KCNQ5: variants seen among roughly 807,000 people sequenced by gnomAD.
The protein encoded by KCNQ5 is potassium voltage-gated channel subfamily KQT member 5.
A neutral mutation model predicts 98.2 loss-of-function variants in KCNQ5; 30 were observed. The ratio of observed to expected loss-of-function variants is 0.31; its 90% CI spans 0.23 to 0.41. The LOEUF is 0.41. Among genes scored for constraint, KCNQ5 ranks in the 10% least tolerant of loss-of-function variants. The pLI is 1.00. For missense variants in KCNQ5, 835 were observed against 1,182.5 expected, an observed-to-expected ratio of 0.71 and a Z score of 4.31; for synonymous variants, 458 against 449.4, an observed-to-expected ratio of 1.02 and a Z score of -0.24.
chr6:72,951,112 A>T (rs2150253533), intron 1 of KCNQ5, among the ~76,000 whole-genome samples: 1 of 152,324 alleles, frequency 6.6e-6, no homozygotes, highest in African/African-American at 2.4e-5. Flanking sequence ...ATGCAAAGGA[A>T]GTATTTGAAC....
At chr6:73,179,807 C>T (rs1269310663) in intron 11 of KCNQ5, among the ~76,000 whole-genome samples, 1 of 152,220 alleles carries the variant, frequency 6.6e-6, no homozygotes, top group African/African-American at 2.4e-5. Context: ...CACCCCTCTT[C>T]TGCATTCCCA....
chr6:72,853,358 G>A (rs1050175282), intron 1 of KCNQ5, among the ~76,000 whole-genome samples: 3 of 151,944 alleles, frequency 2.0e-5, no homozygotes, highest in South Asian at 2.1e-4. Flanking sequence ...GGGAGGCTGC[G>A]GGGGAGACAG....
chr6:73,055,252 C>T, intron 3 of KCNQ5: 1 of 1,292,910 alleles, frequency 7.7e-7, no homozygotes, highest in Non-Finnish European at 1.1e-6. Flanking sequence ...TTGACATCTG[C>T]TTCACCTCAT....
intron 2 of KCNQ5, among the ~76,000 whole-genome samples, chr6:73,012,500 G>A (rs983680847): frequency 6.6e-6 from 1 of 152,088 alleles, no homozygotes; most frequent in African/African-American, 2.4e-5. Context: ...TTTAATAGAT[G>A]AAGAGTTTCA....
intron 1 of KCNQ5, among the ~76,000 whole-genome samples, chr6:72,673,626 G>A (rs1767253032): frequency 6.6e-6 from 1 of 152,014 alleles, no homozygotes; most frequent in African/African-American, 2.4e-5. Flanking sequence ...AGGAGGCGAA[G>A]AGGTAAGGCA....
chr6:72,632,905 G>A (rs2098921840), intron 1 of KCNQ5, among the ~76,000 whole-genome samples: 1 of 151,990 alleles, frequency 6.6e-6, no homozygotes, highest in South Asian at 2.1e-4. Context: ...GAGTGTGTGT[G>A]TCTTTTTGGT....
chr6:72,622,219 G>GGGC lies in KCNQ5; in HGVS notation c.35_37dup (p.Gly12dup). On this transcript the variant is annotated inframe_insertion, in exon 1 of 14. Transcript: ENST00000370398. This position sits in a 1 kb window ranked among gnomAD's most constrained non-coding sequence, Gnocchi z 6.0. Reference sequence around the variant, plus strand: ...CCCGCCACCACGCGGGAGGAGAGGAGGGCGGCGCCGCCGGGCTCTGGGTGA... The same window carrying GGGC: ...CCCGCCACCACGCGGGAGGAGAGGAGGGCGGCGGCGCCGCCGGGCTCTGGGTGA... The GGGC allele has an allele frequency of 1.6e-6, 2 of 1,234,028 alleles. No individual in the cohort carries two copies. Among genetic ancestry groups the GGGC allele is most frequent in the Non-Finnish European group, 2.0e-6 (2 of 990,000 alleles). 76.4% of individuals were successfully genotyped at this position (1,234,028 alleles called of 1,614,324 possible). A position where few individuals can be genotyped will look rare whatever the true frequency, so the allele number is the denominator to read the frequency against.
intron 1 of KCNQ5, among the ~76,000 whole-genome samples, chr6:72,737,773 T>A (rs1770923533): frequency 6.6e-6 from 1 of 152,190 alleles, no homozygotes; most frequent in African/African-American, 2.4e-5. Flanking sequence ...TATTGTTTCA[T>A]GAAACTTGTC....
At chr6:72,962,113 G>GTT (rs1416354444) in intron 1 of KCNQ5, among the ~76,000 whole-genome samples, 1 of 150,944 alleles carries the variant, frequency 6.6e-6, no homozygotes, top group Non-Finnish European at 1.5e-5. Context: ...GGGAGACAGA[G>GTT]TTTGCAGCGA....
chr6:73,103,324 T>C (rs1239768447), intron 5 of KCNQ5, among the ~76,000 whole-genome samples: 1 of 152,198 alleles, frequency 6.6e-6, no homozygotes, highest in Non-Finnish European at 1.5e-5. Flanking sequence ...GATGAGTTCG[T>C]GTCCTTTGTA....
chr6:72,683,581 A>T (rs35884294), intron 1 of KCNQ5, among the ~76,000 whole-genome samples: 1 of 151,688 alleles, frequency 6.6e-6, no homozygotes, highest in East Asian at 1.9e-4. Context: ...GTTAGCCAGG[A>T]TGGTCTTGAT....
intron 10 of KCNQ5, among the ~76,000 whole-genome samples, chr6:73,150,832 A>ATATATG (rs1554215774): frequency 1.4e-5 from 2 of 148,112 alleles, no homozygotes; most frequent in Non-Finnish European, 3.0e-5. Context: ...ATATATATAT[A>ATATATG]TGTGTGTGTG....
chr6:72,923,803 T>A (rs1482307438), intron 1 of KCNQ5, among the ~76,000 whole-genome samples: 1 of 152,218 alleles, frequency 6.6e-6, no homozygotes, highest in African/African-American at 2.4e-5. Context: ...AGTATTTGGT[T>A]TTTTGTTCCT....
At chr6:73,042,227 TC>T in intron 3 of KCNQ5, 165 bp downstream of exon 3, 1 of 740,562 alleles carries the variant, frequency 1.4e-6, no homozygotes, top group South Asian at 1.6e-5. Flanking sequence ...TGATGTTGTC[TC>T]CACAGCATTA....
intron 1 of KCNQ5, among the ~76,000 whole-genome samples, chr6:72,726,250 G>A (rs7738694): frequency 0.059 from 8,427 of 142,942 alleles, 784 homozygotes; most frequent in African/African-American, 0.2. Flanking sequence ...TGGCTCTGTC[G>A]CCCAGGCTGG....
intron 1 of KCNQ5, among the ~76,000 whole-genome samples, chr6:72,755,280 A>G (rs141995507): frequency 2.0e-5 from 3 of 151,888 alleles, no homozygotes; most frequent in African/African-American, 7.2e-5. Context: ...TAGAGTTGGG[A>G]CTTCCTTTAA....
At position 72,954,916 on chromosome 6, in the gene KCNQ5, C is replaced by T. The variant is rs113450099; in HGVS notation, c.399-48992C>T. On this transcript the variant is annotated intron_variant, in intron 1 of 13. Coordinates refer to ENST00000370398, the MANE Select transcript of KCNQ5 (RefSeq NM_019842.4). ...TGTATGTACAAGCTCACAGCTCACA[C>T]GGTTCACCAGTCTTGTCAGCTGTTA... Among the ~76,000 whole-genome samples the T allele has an allele frequency of 6.1e-3, 926 of 152,328 alleles. 5 individuals are homozygous for T. Among genetic ancestry groups the T allele is most frequent in the South Asian group, 0.018 (88 of 4,828 alleles).
At chr6:73,096,925 C>G (rs1326129049) in intron 5 of KCNQ5, among the ~76,000 whole-genome samples, 2 of 152,112 alleles carry the variant, frequency 1.3e-5, no homozygotes, top group African/African-American at 2.4e-5. Flanking sequence ...TGCCTGTAAT[C>G]CCAGCTACTC....
chr6:72,877,146 A>G (rs544591238), intron 1 of KCNQ5, among the ~76,000 whole-genome samples: 1 of 152,156 alleles, frequency 6.6e-6, no homozygotes, highest in South Asian at 2.1e-4. Context: ...TGCTGCACCT[A>G]TCAACCTGTC....
Sources: allele counts gnomAD v4.1 joint callset (sites outside exome capture counted in the v4.1 genomes callset), GRCh38; gene constraint gnomAD v4.1.1; non-coding constraint Gnocchi (gnomAD v3.1); transcripts MANE v1.5; gene names NCBI Gene and HGNC (gene_info 2026-07-23, HGNC 2026-07-21).